PTER: variants seen among roughly 807,000 people sequenced by gnomAD.
PTER encodes the protein N-acetyltaurine hydrolase.
In PTER, 38 loss-of-function variants were observed where a neutral mutation model predicts 29.6. That is an observed-to-expected ratio of 1.28 (90% confidence interval 0.99 to 1.68). The LOEUF is 1.68. Among genes scored for constraint, PTER ranks in the 40% most tolerant of loss-of-function variants. The pLI, the probability that PTER is intolerant of heterozygous loss-of-function variation, is 0.00. For missense variants in PTER, 482 were observed against 427.8 expected (o/e 1.13, Z -1.12); for synonymous variants, 172 against 154.5 (o/e 1.11, Z -0.84).
intron 3 of PTER, among the ~76,000 whole-genome samples, chr10:16,491,227 A>G (rs1353244315): frequency 6.6e-6 from 1 of 152,332 alleles, no homozygotes; most frequent in Non-Finnish European, 1.5e-5. Flanking sequence ...TGAAAAAGAC[A>G]TACATGAAAG....
At chr10:16,483,514 A>G (rs1835560653) in intron 1 of PTER, among the ~76,000 whole-genome samples, 1 of 152,106 alleles carries the variant, frequency 6.6e-6, no homozygotes, top group Non-Finnish European at 1.5e-5. Context: ...ATGGACCTTC[A>G]ACAGAAATTT....
rs1836789776 is a variant in PTER at position 16,511,056 on chromosome 10, C to T, written c.850C>T (p.Leu284=). The T allele has an allele frequency of 1.2e-6, 2 of 1,612,984 alleles. No individual in the cohort carries two copies. Among genetic ancestry groups the T allele is most frequent in the Non-Finnish European group, 1.7e-6 (2 of 1,179,438 alleles). The part of the protein sequence containing the change: ...DNKRIRRVRL[L]VEEGCEDRIL... Reference sequence around the variant, plus strand: ...TAACATTTTTCACAGGGTGCGTCTCCTGGTGGAAGAGGGCTGTGAAGATCG... The same window carrying T: ...TAACATTTTTCACAGGGTGCGTCTCTTGGTGGAAGAGGGCTGTGAAGATCG... The change falls in exon 5 of 5, where the codon CTG becomes TTG. Residue 284 remains leucine (L), a synonymous_variant. Coordinates refer to ENST00000535784, the MANE Select transcript of PTER (RefSeq NM_001261836.2).
intron 1 of PTER, among the ~76,000 whole-genome samples, chr10:16,472,983 C>G (rs1012814986): frequency 2.6e-5 from 4 of 151,370 alleles, no homozygotes; most frequent in Non-Finnish European, 4.4e-5. Context: ...GCATAGCTCT[C>G]CATATTACAT....
chr10:16,477,847 A>G (rs770898436), intron 1 of PTER, among the ~76,000 whole-genome samples: 5 of 152,206 alleles, frequency 3.3e-5, no homozygotes, highest in Non-Finnish European at 4.4e-5. Flanking sequence ...AGTAATACAA[A>G]TTTTAAGTGC....
chr10:16,480,028 G>A (rs1259621063), intron 1 of PTER, among the ~76,000 whole-genome samples: 4 of 135,600 alleles, frequency 2.9e-5, no homozygotes, highest in African/African-American at 5.3e-5. Context: ...ATGTAATCAC[G>A]GTCATGGCAA....
At chr10:16,507,171 G>A (rs941675311) in intron 4 of PTER, among the ~76,000 whole-genome samples, 10 of 148,614 alleles carry the variant, frequency 6.7e-5, no homozygotes, top group Non-Finnish European at 1.0e-4. Flanking sequence ...GCAAATAAGT[G>A]GACTGCAGGC....
chr10:16,471,479 G>A (rs546225687), intron 1 of PTER, among the ~76,000 whole-genome samples: 3 of 152,192 alleles, frequency 2.0e-5, no homozygotes, highest in South Asian at 2.1e-4. Flanking sequence ...AAAAATGGTC[G>A]ATCTTCACTC....
intron 1 of PTER, among the ~76,000 whole-genome samples, chr10:16,450,151 G>A (rs768407771): frequency 1.9e-4 from 29 of 152,198 alleles, no homozygotes; most frequent in Middle Eastern, 3.4e-3. Flanking sequence ...GGAATGTAGC[G>A]CACCCCCTCA....
At chr10:16,476,138 C>T (rs899954624) in intron 1 of PTER, 3 of 152,140 alleles carry the variant, frequency 2.0e-5, no homozygotes, top group Non-Finnish European at 4.4e-5. Flanking sequence ...GGCTGGAGTG[C>T]AATGGTACGG....
At chr10:16,453,206 G>A (rs1302765844) in intron 1 of PTER, among the ~76,000 whole-genome samples, 1 of 152,148 alleles carries the variant, frequency 6.6e-6, no homozygotes, top group Non-Finnish European at 1.5e-5. Context: ...ATGAGCCACT[G>A]CACCTGGCCA....
chr10:16,512,973 A>T lies in PTER; in HGVS notation c.*1717A>T, dbSNP rs181393330. The T allele has an allele frequency of 9.4e-4, 144 of 152,682 alleles. 1 individual carries two copies. The highest frequency in any genetic ancestry group is 3.1e-3 in the African/African-American group (130 of 41,582). 9.5% of individuals were successfully genotyped at this position (152,682 alleles called of 1,614,324 possible). ...AGGATTTGTATTACTCTCCAAATCT[A>T]CTGTACTGTCAGCTTCACTCCACCT... On this transcript the variant is annotated 3_prime_UTR_variant, in exon 5 of 5. Transcript: ENST00000535784.
intron 1 of PTER, among the ~76,000 whole-genome samples, chr10:16,458,186 G>A (rs1434432495): frequency 6.6e-6 from 1 of 150,384 alleles, no homozygotes; most frequent in Non-Finnish European, 1.5e-5. Flanking sequence ...AAAATGGGTT[G>A]AACTTTTGAG....
chr10:16,438,496 A>T (rs2133348616), intron 1 of PTER, among the ~76,000 whole-genome samples: 1 of 148,010 alleles, frequency 6.8e-6, no homozygotes, highest in Admixed American at 6.7e-5. Context: ...TTTGGTAGAG[A>T]CGGGGTTTTG....
chr10:16,482,972 G>T (rs189454834), intron 1 of PTER, among the ~76,000 whole-genome samples: 137 of 152,112 alleles, frequency 9.0e-4, no homozygotes, highest in African/African-American at 3.2e-3. Flanking sequence ...AGTAGAGACG[G>T]GTTTTCACCA....
chr10:16,446,296 A>G (rs1184041746), intron 1 of PTER, among the ~76,000 whole-genome samples: 1 of 151,380 alleles, frequency 6.6e-6, no homozygotes, highest in African/African-American at 2.4e-5. Flanking sequence ...GCTAACTGCA[A>G]CCTCCACCAC....
At chr10:16,491,940 GCA>G (rs112397289) in intron 3 of PTER, among the ~76,000 whole-genome samples, 2 of 151,218 alleles carry the variant, frequency 1.3e-5, no homozygotes, top group Admixed American at 6.6e-5. Context: ...TTGTATGGGT[GCA>G]CACACACACA....
rs996894807 is a variant in PTER at position 16,511,472 on chromosome 10, T to C, written c.*216T>C. The C allele has an allele frequency of 3.6e-6, 2 of 550,022 alleles. No individual in the cohort carries two copies. The highest frequency in any genetic ancestry group is 6.5e-6 in the Non-Finnish European group (2 of 308,452). The allele number at this position is 550,022 out of a possible 1,614,324, so 34.1% of individuals were successfully genotyped here. A position where few individuals can be genotyped will look rare whatever the true frequency, so the allele number is the denominator to read the frequency against. ...CTAATTGAGCCCTATTATTTTAACT[T>C]AACAAAATAAATACAGAAGTACCTA... On this transcript the variant is annotated 3_prime_UTR_variant, in exon 5 of 5. Coordinates refer to ENST00000535784, the MANE Select transcript of PTER (RefSeq NM_001261836.2).
intron 1 of PTER, among the ~76,000 whole-genome samples, chr10:16,445,912 G>A (rs1833997097): frequency 6.6e-6 from 1 of 151,988 alleles, no homozygotes; most frequent in Non-Finnish European, 1.5e-5. Flanking sequence ...AGTTGTCCTG[G>A]GCCTGTGAGT....
intron 3 of PTER, among the ~76,000 whole-genome samples, chr10:16,498,378 G>T (rs921909965): frequency 3.3e-5 from 5 of 152,172 alleles, no homozygotes; most frequent in African/African-American, 1.2e-4. Flanking sequence ...GAGGTCAGGA[G>T]TTTGAGACCA....
Sources: allele counts gnomAD v4.1 joint callset (sites outside exome capture counted in the v4.1 genomes callset), GRCh38; gene constraint gnomAD v4.1.1; transcripts MANE v1.5; gene names NCBI Gene and HGNC (gene_info 2026-07-23, HGNC 2026-07-21).